ADAMTS18: variants seen among roughly 807,000 people sequenced by gnomAD.
ADAMTS18 encodes A disintegrin and metalloproteinase with thrombospondin motifs 18.
A neutral mutation model predicts 165.9 loss-of-function variants in ADAMTS18; 157 were observed. The ratio of observed to expected loss-of-function variants is 0.95; its 90% CI spans 0.83 to 1.08. The LOEUF is 1.08. Among genes scored for constraint, ADAMTS18 ranks in the 50% least tolerant of loss-of-function variants. The pLI, the probability that ADAMTS18 is intolerant of heterozygous loss-of-function variation, is 0.00. For synonymous variants in ADAMTS18, 782 were observed against 578.2 expected, an observed-to-expected ratio of 1.35 and a Z score of -5.06; for missense variants, 2,040 against 1,534.0, an observed-to-expected ratio of 1.33 and a Z score of -5.51.
intron 3 of ADAMTS18, among the ~76,000 whole-genome samples, chr16:77,402,786 T>C (rs186450596): frequency 6.6e-6 from 1 of 152,300 alleles, no homozygotes; most frequent in East Asian, 1.9e-4. Context: ...CTTTACAAAA[T>C]TATTCTAACT....
intron 3 of ADAMTS18, among the ~76,000 whole-genome samples, chr16:77,428,891 A>G (rs894887691): frequency 3.9e-5 from 6 of 152,166 alleles, no homozygotes; most frequent in African/African-American, 1.4e-4. Flanking sequence ...CTGTGACTCA[A>G]CAACTTTATT....
intron 14 of ADAMTS18, among the ~76,000 whole-genome samples, chr16:77,321,784 C>T (rs2056003021): frequency 6.6e-6 from 1 of 152,136 alleles, no homozygotes. Context: ...CATCTCCATT[C>T]TATATATGTG....
rs552941751 is a variant in ADAMTS18, at chr16:77,299,992, T to C, written c.2674+271A>G. ...TAAATATGCTTCTATTTGTAAATAA[T>C]TCAATATATTTTATATGTTTTTCCC... On this transcript the variant is annotated intron_variant, in intron 17 of 22. Transcript: ENST00000282849. 1.4e-4 allele frequency: 41 copies of C among 301,932 alleles called. No individual in the cohort carries two copies. In the South Asian group the frequency reaches 1.9e-3, roughly 14 times the overall value. The allele number at this position is 301,932 out of a possible 1,614,324, so 18.7% of individuals were successfully genotyped here.
intron 16 of ADAMTS18, among the ~76,000 whole-genome samples, chr16:77,311,702 TTTC>T (rs2055783446): frequency 1.1e-5 from 1 of 88,784 alleles, no homozygotes. Context: ...TTACTGGAGT[TTTC>T]TTTTTTTTTT....
intron 3 of ADAMTS18, among the ~76,000 whole-genome samples, chr16:77,385,810 A>AT (rs1206722016): frequency 5.9e-5 from 9 of 152,056 alleles, no homozygotes; most frequent in Non-Finnish European, 7.4e-5. Flanking sequence ...GCTGGTCCCA[A>AT]TTTTTTCTCA....
intron 7 of ADAMTS18, 109 bp downstream of exon 7, chr16:77,361,996 T>C (rs2056721776): frequency 1.6e-6 from 2 of 1,237,522 alleles, no homozygotes; most frequent in Non-Finnish European, 2.3e-6. Flanking sequence ...ATAATTTAAA[T>C]ATTATGTCTG....
chr16:77,377,673 T>A (rs1159293908), intron 3 of ADAMTS18, among the ~76,000 whole-genome samples: 2 of 152,232 alleles, frequency 1.3e-5, no homozygotes, highest in African/African-American at 2.4e-5. Flanking sequence ...TTTGTGGTCA[T>A]CAATAATTAA....
At chr16:77,396,301 C>T (rs911047795) in intron 3 of ADAMTS18, among the ~76,000 whole-genome samples, 1 of 152,030 alleles carries the variant, frequency 6.6e-6, no homozygotes, top group Non-Finnish European at 1.5e-5. Flanking sequence ...CTGTGTTTGC[C>T]GTAAAGGGAA....
chr16:77,402,158 A>T (rs2057340066), intron 3 of ADAMTS18, among the ~76,000 whole-genome samples: 2 of 152,188 alleles, frequency 1.3e-5, no homozygotes, highest in Admixed American at 1.3e-4. Flanking sequence ...ACGCTGACTA[A>T]TACACTCGGT....
At chr16:77,321,030 T>C in intron 15 of ADAMTS18, 49 bp downstream of exon 15, 8 of 1,613,296 alleles carry the variant, frequency 5.0e-6, no homozygotes, top group Non-Finnish European at 6.8e-6. Context: ...ACTTGTTTGG[T>C]AGCAAAAGTT....
At chr16:77,383,617 C>T (rs1597205796) in intron 3 of ADAMTS18, among the ~76,000 whole-genome samples, 1 of 152,056 alleles carries the variant, frequency 6.6e-6, no homozygotes, top group African/African-American at 2.4e-5. Context: ...AATCTCAGCT[C>T]ACTGCAACCT....
chr16:77,319,936 A>G lies in ADAMTS18; in HGVS notation c.2445T>C (p.Ala815=), dbSNP rs2055960995. Residue 815 remains alanine, a synonymous_variant, in exon 16 of 23, where the codon GCT becomes GCC. Transcript: ENST00000282849. ...SIDWPGEFPF[A]GTTFEYQRSF... is the part of the protein sequence containing the mutation. ...AGCGCTGGTATTCAAACGTGGTCCC[A>G]GCGAAGGGGAACTCCCCAGGCCAGT... 1 of 1,614,196 alleles carries G rather than the reference A, an allele frequency of 6.2e-7. No individual in the cohort carries two copies. The highest frequency in any genetic ancestry group is 2.2e-5 in the East Asian group (1 of 44,872).
At chr16:77,403,743 G>A (rs1379271136) in intron 3 of ADAMTS18, among the ~76,000 whole-genome samples, 1 of 152,284 alleles carries the variant, frequency 6.6e-6, no homozygotes, top group East Asian at 1.9e-4. Flanking sequence ...CATCAGAGAT[G>A]CTGGGAAAAA....
At chr16:77,347,493 T>G (rs1185043440) in intron 10 of ADAMTS18, among the ~76,000 whole-genome samples, 1 of 152,206 alleles carries the variant, frequency 6.6e-6, no homozygotes, top group African/African-American at 2.4e-5. Context: ...TTTAATATTC[T>G]CCATTCCAGT....
rs148581847 is a variant in ADAMTS18, at chr16:77,304,326, G to A, written c.2533-3922C>T. Among the ~76,000 whole-genome samples the A allele has an allele frequency of 4.6e-3, 704 of 152,248 alleles. 9 individuals are homozygous for A. Among genetic ancestry groups the A allele is most frequent in the African/African-American group, 0.016 (665 of 41,556 alleles). ...AATTTTAAAAAACTAGCTAGGTGTT[G>A]TAGTGTGTGCCTATAGTCCCAGCTA... On this transcript the variant is annotated intron_variant, in intron 16 of 22. Transcript: ENST00000282849.
intron 3 of ADAMTS18, among the ~76,000 whole-genome samples, chr16:77,384,288 C>T (rs556795867): frequency 6.6e-5 from 10 of 152,324 alleles, no homozygotes; most frequent in Middle Eastern, 6.8e-3. Flanking sequence ...TTTCCCATTT[C>T]ACCATTCTGA....
At chr16:77,346,617 T>C (rs774538121) in intron 10 of ADAMTS18, among the ~76,000 whole-genome samples, 10 of 152,132 alleles carry the variant, frequency 6.6e-5, no homozygotes, top group Non-Finnish European at 1.2e-4. Flanking sequence ...CATGAGAAAA[T>C]TGAGACTCAG....
At chr16:77,329,070 G>A (rs548392257) in intron 12 of ADAMTS18, among the ~76,000 whole-genome samples, 2 of 152,026 alleles carry the variant, frequency 1.3e-5, no homozygotes, top group African/African-American at 4.8e-5. Context: ...GCAATGTTTA[G>A]GGAGCTGGCC....
intron 16 of ADAMTS18, among the ~76,000 whole-genome samples, chr16:77,306,728 A>C (rs1423643679): frequency 6.6e-6 from 1 of 152,246 alleles, no homozygotes; most frequent in East Asian, 1.9e-4. Flanking sequence ...ATTATGTGCC[A>C]GGCAAAGCAT....
Sources: allele counts gnomAD v4.1 joint callset (sites outside exome capture counted in the v4.1 genomes callset), GRCh38; gene constraint gnomAD v4.1.1; transcripts MANE v1.5; gene names NCBI Gene and HGNC (gene_info 2026-07-23, HGNC 2026-07-21).